PTPRT: variants seen among roughly 807,000 people sequenced by gnomAD.
PTPRT encodes protein tyrosine phosphatase receptor type T.
In PTPRT, 56 loss-of-function variants were observed where a neutral mutation model predicts 176.8. That is an observed-to-expected ratio of 0.32 (90% CI 0.26 to 0.40). PTPRT has a LOEUF of 0.40. Among genes scored for constraint, PTPRT ranks in the 10% least tolerant of loss-of-function variants. PTPRT has a pLI of 1.00. For missense variants in PTPRT, 1,540 were observed against 1,908.2 expected (o/e 0.81, Z 3.60); for synonymous variants, 783 against 739.0 (o/e 1.06, Z -0.96).
At chr20:43,158,549 C>T (rs916118509) in intron 1 of PTPRT, among the ~76,000 whole-genome samples, 1 of 152,164 alleles carries the variant, frequency 6.6e-6, no homozygotes, top group Non-Finnish European at 1.5e-5. Context: ...AGTTGCCTAT[C>T]ATTTCATCTC....
intron 1 of PTPRT, among the ~76,000 whole-genome samples, chr20:43,165,839 G>A (rs1474170156): frequency 1.3e-5 from 2 of 152,180 alleles, no homozygotes; most frequent in Non-Finnish European, 2.9e-5. Flanking sequence ...TGTGTCAACA[G>A]GGAATGGAAC....
At chr20:42,283,555 T>C (rs946823354) in intron 12 of PTPRT, among the ~76,000 whole-genome samples, 1 of 152,012 alleles carries the variant, frequency 6.6e-6, no homozygotes, top group African/African-American at 2.4e-5. Context: ...CTGTCCAATG[T>C]AGGTGTGTGG....
At chr20:42,490,896 T>G (rs1417633682) in intron 7 of PTPRT, among the ~76,000 whole-genome samples, 1 of 152,190 alleles carries the variant, frequency 6.6e-6, no homozygotes. Context: ...CATAAATTGG[T>G]GAATACCTTT....
chr20:42,086,747 A>ATATATATATATATATATATATAT (rs59722053), intron 27 of PTPRT, among the ~76,000 whole-genome samples: 1 of 58,758 alleles, frequency 1.7e-5, no homozygotes, highest in Non-Finnish European at 3.5e-5. Flanking sequence ...AAAAAAAAAA[A>ATATATATATATATATATATATAT]AAAAAAATAT....
At chr20:42,378,766 G>C (rs904555606) in intron 9 of PTPRT, among the ~76,000 whole-genome samples, 8 of 152,138 alleles carry the variant, frequency 5.3e-5, no homozygotes, top group Non-Finnish European at 8.8e-5. Context: ...TTAACTTCCT[G>C]AGGCTCAGTT....
intron 2 of PTPRT, among the ~76,000 whole-genome samples, chr20:42,808,634 G>A (rs1488865516): frequency 1.3e-5 from 2 of 152,112 alleles, no homozygotes; most frequent in Admixed American, 6.5e-5. Context: ...TCATTTCACC[G>A]AGATGAGTTG....
At chr20:42,410,449 C>T (rs902358151) in intron 9 of PTPRT, among the ~76,000 whole-genome samples, 2 of 151,722 alleles carry the variant, frequency 1.3e-5, no homozygotes, top group Non-Finnish European at 1.5e-5. Context: ...AAACTGAGAA[C>T]TGGAAAGAGA....
intron 15 of PTPRT, among the ~76,000 whole-genome samples, chr20:42,212,403 T>G (rs774080787): frequency 3.6e-5 from 5 of 138,564 alleles, no homozygotes; most frequent in Non-Finnish European, 7.7e-5. Flanking sequence ...ATGACCCAAT[T>G]AGTCTTTTTT....
chr20:42,036,965 C>T, the PTPRT span, among the ~76,000 whole-genome samples: 1 of 152,146 alleles, frequency 6.6e-6, no homozygotes, highest in African/African-American at 2.4e-5. Context: ...TTAAGAATCA[C>T]CAAACATGTG....
At chr20:42,848,879 T>A (rs748159578) in intron 2 of PTPRT, among the ~76,000 whole-genome samples, 2 of 152,204 alleles carry the variant, frequency 1.3e-5, no homozygotes, top group Non-Finnish European at 2.9e-5. Context: ...GGTCATGAAG[T>A]CTTTGCTTAA....
At chr20:42,434,660 A>AAG in intron 9 of PTPRT, among the ~76,000 whole-genome samples, 1 of 78,394 alleles carries the variant, frequency 1.3e-5, no homozygotes, top group Non-Finnish European at 2.6e-5. Context: ...CCATCTTCAT[A>AAG]AGAAAAAAAA....
At chr20:42,502,073 T>A (rs2071759390) in intron 7 of PTPRT, among the ~76,000 whole-genome samples, 1 of 152,154 alleles carries the variant, frequency 6.6e-6, no homozygotes, top group Non-Finnish European at 1.5e-5. Context: ...ATTCATTTTT[T>A]AAAATTATAT....
At chr20:43,036,851 T>A (rs920265679) in intron 1 of PTPRT, among the ~76,000 whole-genome samples, 7 of 152,058 alleles carry the variant, frequency 4.6e-5, no homozygotes, top group African/African-American at 1.7e-4. Context: ...AATGAAAATT[T>A]AAAAAAATGG....
intron 7 of PTPRT, among the ~76,000 whole-genome samples, chr20:42,565,869 C>T (rs1431893588): frequency 5.9e-5 from 9 of 151,962 alleles, no homozygotes; most frequent in African/African-American, 9.7e-5. Flanking sequence ...TTACCACTTG[C>T]CCTTCCTCCC....
intron 13 of PTPRT, among the ~76,000 whole-genome samples, chr20:42,266,285 A>C (rs1348324196): frequency 6.6e-6 from 1 of 152,134 alleles, no homozygotes; most frequent in Non-Finnish European, 1.5e-5. Context: ...AAAATTGACA[A>C]TGGGCATGGG....
At chr20:42,954,713 G>C (rs895096964) in intron 1 of PTPRT, among the ~76,000 whole-genome samples, 23 of 152,232 alleles carry the variant, frequency 1.5e-4, no homozygotes, top group African/African-American at 5.3e-4. Context: ...AAGAAAAATG[G>C]CATAAACTCT....
intron 1 of PTPRT, among the ~76,000 whole-genome samples, chr20:43,044,594 C>T (rs1257289819): frequency 6.6e-6 from 1 of 152,204 alleles, no homozygotes; most frequent in Admixed American, 6.5e-5. Flanking sequence ...CACCTCCCTG[C>T]CGCATGCCCT....
intron 13 of PTPRT, among the ~76,000 whole-genome samples, chr20:42,280,268 A>G (rs894809097): frequency 6.6e-6 from 1 of 152,156 alleles, no homozygotes; most frequent in African/African-American, 2.4e-5. Flanking sequence ...GGCACCAAGT[A>G]GACACTCATC....
chr20:42,444,022 T>G (rs2059341449), intron 9 of PTPRT, among the ~76,000 whole-genome samples: 1 of 152,160 alleles, frequency 6.6e-6, no homozygotes, highest in Non-Finnish European at 1.5e-5. Flanking sequence ...TTCCTCTGTG[T>G]AGAACCCTCC....
Sources: gnomAD v4.1 joint callset for allele counts (sites outside exome capture counted in the v4.1 genomes callset) on GRCh38, gnomAD v4.1.1 for gene constraint, MANE v1.5 for transcripts, NCBI Gene and HGNC (gene_info 2026-07-23, HGNC 2026-07-21) for gene names.